Variants in PRKN observed in about 807,000 individuals in gnomAD.
The protein encoded by PRKN is E3 ubiquitin-protein ligase parkin.
Under a neutral mutation model 59.5 loss-of-function variants are expected in PRKN, and 56 were observed. The observed-to-expected ratio is 0.94, with a 90% CI of 0.76 to 1.18. PRKN has a LOEUF of 1.18. Ranked by LOEUF, PRKN falls within the 50% of genes most tolerant of loss-of-function variation. The probability of loss-of-function intolerance (pLI) is 0.00; values close to 1 mark genes in which losing one functional copy is unlikely to be tolerated. For synonymous variants in PRKN, 250 were observed against 222.1 expected, an observed-to-expected ratio of 1.13 and a Z score of -1.12; for missense variants, 657 against 596.4, an observed-to-expected ratio of 1.10 and a Z score of -1.06.
rs147372465 is a variant in PRKN at position 161,409,596 on chromosome 6, T to C, written c.1084-22719A>G. On this transcript the variant is annotated intron_variant, in intron 9 of 11. Coordinates refer to ENST00000366898, the MANE Select transcript of PRKN (RefSeq NM_004562.3). This position sits in a 1 kb window ranked among gnomAD's most constrained non-coding sequence, Gnocchi z 4.6. ...TAGATTGCCAGAATGTTCAGTGGAA[T>C]CACATAAGGCCGTCACTATAAAAAT... Among the ~76,000 whole-genome samples the C allele has an allele frequency of 1.2e-3, 178 of 152,312 alleles. 2 individuals are homozygous for C. The highest frequency in any genetic ancestry group is 4.2e-3 in the African/African-American group (173 of 41,560).
At chr6:162,025,205 C>T (rs571284547) in intron 5 of PRKN, among the ~76,000 whole-genome samples, 4 of 151,818 alleles carry the variant, frequency 2.6e-5, no homozygotes, top group African/African-American at 4.8e-5. Context: ...TTAGTAGAGA[C>T]GGGGTTTCAC....
At chr6:162,579,114 C>A (rs568769065) in intron 1 of PRKN, among the ~76,000 whole-genome samples, 1 of 152,278 alleles carries the variant, frequency 6.6e-6, no homozygotes, top group African/African-American at 2.4e-5. Context: ...GAATGTTGAG[C>A]CTTTTCCTGG....
At chr6:162,651,123 G>A (rs181105027) in intron 1 of PRKN, among the ~76,000 whole-genome samples, 4 of 146,732 alleles carry the variant, frequency 2.7e-5, no homozygotes, top group Admixed American at 2.7e-4. Context: ...ATATGGCTTT[G>A]TTTGTTTGTT....
intron 7 of PRKN, among the ~76,000 whole-genome samples, chr6:161,694,078 G>A: frequency 6.6e-6 from 1 of 152,164 alleles, no homozygotes; most frequent in East Asian, 1.9e-4. Context: ...CTTAGAATCA[G>A]ACCTGCATCA....
At chr6:162,048,285 A>C (rs2128283828) in intron 5 of PRKN, among the ~76,000 whole-genome samples, 1 of 152,298 alleles carries the variant, frequency 6.6e-6, no homozygotes. Context: ...ATTACTTTAA[A>C]GAGATCACTT....
At position 161,743,213 on chromosome 6, in the gene PRKN, C is replaced by CTTTTTTTTTTTTTTTT. The variant is rs768890758; in HGVS notation, c.871+42543_871+42558dup. On this transcript the variant is annotated intron_variant, in intron 7 of 11. Transcript: ENST00000366898. ...CTTGCCTGTCTATACTGGTTTCTAC[C>CTTTTTTTTTTTTTTTT]TTTTTTTTTTTTTTTTTTTTTTTTT... 2.0e-4 allele frequency among the ~76,000 whole-genome samples: 17 copies of CTTTTTTTTTTTTTTTT among 84,552 alleles called. 2 individuals are homozygous for CTTTTTTTTTTTTTTTT. Among genetic ancestry groups the CTTTTTTTTTTTTTTTT allele is most frequent in the Non-Finnish European group, 3.5e-4 (16 of 45,740 alleles). The allele number at this position is 84,552 out of a possible 152,430, so 55.5% of individuals were successfully genotyped here.
At chr6:161,885,090 T>G (rs977318979) in intron 6 of PRKN, among the ~76,000 whole-genome samples, 1 of 145,898 alleles carries the variant, frequency 6.9e-6, no homozygotes, top group East Asian at 2.0e-4. Context: ...TTATTATAAA[T>G]GCATTTAACC....
chr6:162,147,178 T>A, intron 4 of PRKN, among the ~76,000 whole-genome samples: 1 of 150,868 alleles, frequency 6.6e-6, no homozygotes. Context: ...TCATCTCTAC[T>A]AAAAACACAA....
chr6:162,218,604 A>C lies in PRKN; in HGVS notation c.413-17352T>G, dbSNP rs1365735593. 5.9e-5 allele frequency among the ~76,000 whole-genome samples: 9 copies of C among 152,328 alleles called. No homozygotes were observed. The South Asian group carries it at 1.2e-3, about 21-fold the overall frequency. ...AGGGAAATTGCATGCATAGCAAAAT[A>C]TGGAAACCATTCATTAAAAGATTCA... On this transcript the variant is annotated intron_variant, in intron 3 of 11. Transcript: ENST00000366898.
intron 9 of PRKN, among the ~76,000 whole-genome samples, chr6:161,516,272 A>G (rs950325770): frequency 2.6e-5 from 4 of 151,638 alleles, no homozygotes; most frequent in African/African-American, 4.9e-5. Context: ...ACATGGTGAA[A>G]CCCCATCTCT....
intron 1 of PRKN, among the ~76,000 whole-genome samples, chr6:162,537,619 G>A (rs1354517047): frequency 6.6e-6 from 1 of 152,146 alleles, no homozygotes. Context: ...CTGTCTCCAT[G>A]TTCCCCTTTC....
At chr6:162,582,678 TTTG>T (rs1233588916) in intron 1 of PRKN, among the ~76,000 whole-genome samples, 1 of 152,134 alleles carries the variant, frequency 6.6e-6, no homozygotes, top group Non-Finnish European at 1.5e-5. Context: ...GCTTAAATGG[TTTG>T]TTTTTATTTT....
chr6:162,224,909 G>A (rs902864856), intron 3 of PRKN, among the ~76,000 whole-genome samples: 2 of 152,208 alleles, frequency 1.3e-5, no homozygotes, highest in African/African-American at 4.8e-5. Context: ...ATACTCATCT[G>A]AGATGCCCTG....
intron 4 of PRKN, among the ~76,000 whole-genome samples, chr6:162,143,746 T>C (rs1008259063): frequency 2.6e-5 from 4 of 152,212 alleles, no homozygotes; most frequent in Non-Finnish European, 4.4e-5. Context: ...GTGTTTATTC[T>C]GTCTGCATGG....
intron 6 of PRKN, among the ~76,000 whole-genome samples, chr6:161,840,981 A>C (rs1194464681): frequency 1.3e-5 from 2 of 152,214 alleles, no homozygotes; most frequent in East Asian, 3.9e-4. Flanking sequence ...ATTGTAAAAA[A>C]AGTTCAGCCA....
At chr6:162,067,646 T>C (rs1295693006) in intron 4 of PRKN, among the ~76,000 whole-genome samples, 1 of 152,218 alleles carries the variant, frequency 6.6e-6, no homozygotes, top group African/African-American at 2.4e-5. Context: ...ATGCACATGA[T>C]GACTTAGCTT....
chr6:162,398,445 C>T (rs993966653), intron 2 of PRKN, among the ~76,000 whole-genome samples: 26 of 151,694 alleles, frequency 1.7e-4, no homozygotes, highest in South Asian at 2.1e-4. Context: ...GGCTGGAGTG[C>T]AATGGCACAA....
intron 7 of PRKN, among the ~76,000 whole-genome samples, chr6:161,779,435 C>CGTTTCTTT: frequency 2.5e-5 from 1 of 40,434 alleles, no homozygotes; most frequent in Non-Finnish European, 4.9e-5. Flanking sequence ...TTTTTCTTTT[C>CGTTTCTTT]TTTTCTTTTT....
chr6:162,526,855 G>C lies in PRKN; in HGVS notation c.8-83382C>G, dbSNP rs368990184. Among the ~76,000 whole-genome samples the C allele has an allele frequency of 7.2e-5, 11 of 152,238 alleles. 1 individual carries two copies. The East Asian group carries it at 2.1e-3, about 29-fold the overall frequency. ...GTCTATCAAAGTGTACCTTGTTGAT[G>C]TATGGCACGTGGCTAATAATTCCTA... On this transcript the variant is annotated intron_variant, in intron 1 of 11. Transcript: ENST00000366898.
Sources: gnomAD v4.1 joint callset for allele counts (sites outside exome capture counted in the v4.1 genomes callset) on GRCh38, gnomAD v4.1.1 for gene constraint, Gnocchi (gnomAD v3.1) non-coding constraint, MANE v1.5 for transcripts, NCBI Gene and HGNC (gene_info 2026-07-23, HGNC 2026-07-21) for gene names.